SOS1: variants seen among roughly 807,000 people sequenced by gnomAD.
SOS1 encodes son of sevenless homolog 1.
Under a neutral mutation model 157.6 loss-of-function variants are expected in SOS1, and 25 were observed. The observed-to-expected ratio is 0.16, with a 90% CI of 0.12 to 0.22. The LOEUF (loss-of-function observed/expected upper bound fraction) is 0.22, where lower values mean the gene tolerates loss of function less well. SOS1 is among the 10% of genes least tolerant of loss of function. SOS1 has a pLI of 1.00. For missense variants in SOS1, 1,237 were observed against 1,599.1 expected (o/e 0.77, Z 3.86); for synonymous variants, 528 against 534.0 (o/e 0.99, Z 0.16).
At chr2:39,114,406 C>A (rs746472686) in intron 1 of SOS1, among the ~76,000 whole-genome samples, 22 of 151,934 alleles carry the variant, frequency 1.4e-4, no homozygotes, top group Admixed American at 3.9e-4. Flanking sequence ...TGGGTTCAAG[C>A]AATTCTCCTG....
chr2:39,018,634 C>A (rs978740357), intron 10 of SOS1, among the ~76,000 whole-genome samples: 2 of 151,638 alleles, frequency 1.3e-5, no homozygotes, highest in Non-Finnish European at 3.0e-5. Flanking sequence ...AATCCTTTTT[C>A]CTTATGTGCC....
chr2:39,012,851 ATTT>A (rs1669509330), intron 13 of SOS1, among the ~76,000 whole-genome samples: 1 of 152,172 alleles, frequency 6.6e-6, no homozygotes, highest in African/African-American at 2.4e-5. Context: ...AAGTACTATT[ATTT>A]AACTATTTTC....
At chr2:39,077,737 C>T (rs1490596260) in intron 1 of SOS1, among the ~76,000 whole-genome samples, 3 of 152,132 alleles carry the variant, frequency 2.0e-5, no homozygotes, top group Admixed American at 6.5e-5. Flanking sequence ...AAGGATGGAT[C>T]ATCCAATATA....
intron 1 of SOS1, among the ~76,000 whole-genome samples, chr2:39,115,117 C>A (rs945036049): frequency 1.3e-5 from 2 of 152,078 alleles, no homozygotes; most frequent in Non-Finnish European, 2.9e-5. Context: ...TTTTAAAATA[C>A]CTTCATTGAG....
intron 6 of SOS1, among the ~76,000 whole-genome samples, chr2:39,040,224 A>G (rs546518043): frequency 4.6e-5 from 7 of 151,728 alleles, no homozygotes; most frequent in African/African-American, 9.7e-5. Context: ...TCACCGTGTT[A>G]GCCAGGATGG....
chr2:39,074,811 G>A (rs1037988693), intron 1 of SOS1, among the ~76,000 whole-genome samples: 3 of 151,292 alleles, frequency 2.0e-5, no homozygotes, highest in African/African-American at 7.3e-5. Flanking sequence ...AGGTTGTGGT[G>A]AGCCAAGATC....
chr2:39,055,799 C>A (rs1380681866), intron 4 of SOS1, among the ~76,000 whole-genome samples: 1 of 152,156 alleles, frequency 6.6e-6, no homozygotes, highest in African/African-American at 2.4e-5. Context: ...GCTTTAGACT[C>A]AGAGAGACCT....
At chr2:39,031,659 G>A (rs1019890490) in intron 8 of SOS1, among the ~76,000 whole-genome samples, 5 of 152,124 alleles carry the variant, frequency 3.3e-5, no homozygotes, top group African/African-American at 4.8e-5. Flanking sequence ...GCAAGGCAGA[G>A]TTTGCAGTGA....
At chr2:39,113,457 A>G (rs1362372128) in intron 1 of SOS1, among the ~76,000 whole-genome samples, 2 of 151,858 alleles carry the variant, frequency 1.3e-5, no homozygotes, top group Non-Finnish European at 2.9e-5. Flanking sequence ...GTTGGCGTCA[A>G]TAGCATGAGC....
At chr2:39,003,163 T>TA (rs1241486045) in intron 17 of SOS1, among the ~76,000 whole-genome samples, 12 of 151,846 alleles carry the variant, frequency 7.9e-5, no homozygotes, top group African/African-American at 2.9e-4. Context: ...AGCAGATAAT[T>TA]AGAGACCTTA....
In SOS1 at chr2:38,983,347, A is replaced by G. The variant is rs1419440775; in HGVS notation, c.*2477T>C. The stretch of plus-strand genomic sequence containing the variant: ...TCTCACCTCCACCTAAGGGCATCCA[A>G]TTGGCATTTTTCTAATCAGTTACCA... On this transcript the variant is annotated 3_prime_UTR_variant, in exon 23 of 23. Transcript: ENST00000402219. 2.0e-5 allele frequency: 3 copies of G among 152,200 alleles called. No homozygotes were observed. Among genetic ancestry groups the G allele is most frequent in the African/African-American group, 4.8e-5 (2 of 41,454 alleles). 9.4% of individuals were successfully genotyped at this position (152,200 alleles called of 1,614,324 possible).
At chr2:38,987,854 T>G in intron 21 of SOS1, 1 of 389,820 alleles carries the variant, frequency 2.6e-6, no homozygotes, top group Non-Finnish European at 4.7e-6. Context: ...TTCCCATGGT[T>G]ACTCTATTAT....
intron 15 of SOS1, among the ~76,000 whole-genome samples, chr2:39,009,246 T>C (rs1165060380): frequency 1.3e-5 from 2 of 151,980 alleles, no homozygotes; most frequent in Non-Finnish European, 2.9e-5. Context: ...CTCAATAGTA[T>C]ATTTGAACTG....
rs1292640526 is a variant in SOS1 at position 39,120,485 on chromosome 2, AGAGGGC to A, written c.-69_-64del. 7.0e-7 allele frequency: 1 copy of A among 1,432,684 alleles called. No homozygotes were observed. Among genetic ancestry groups the A allele is most frequent in the African/African-American group, 1.5e-5 (1 of 67,208 alleles). 88.7% of individuals were successfully genotyped at this position (1,432,684 alleles called of 1,614,324 possible). ...GCGGCGGCCGGGCCAGGGAGCCGCG[AGAGGGC>A]GAGCTCGCAGCGCGGAACAGGGCCG... On this transcript the variant is annotated 5_prime_UTR_variant, in exon 1 of 23. Transcript: ENST00000402219.
At chr2:39,108,021 G>T (rs184963241) in intron 1 of SOS1, among the ~76,000 whole-genome samples, 19 of 152,140 alleles carry the variant, frequency 1.2e-4, no homozygotes, top group African/African-American at 3.6e-4. Flanking sequence ...AATACTGATG[G>T]TGCCTTAGTC....
At chr2:39,043,717 C>A (rs985195160) in intron 6 of SOS1, among the ~76,000 whole-genome samples, 1 of 152,214 alleles carries the variant, frequency 6.6e-6, no homozygotes, top group Admixed American at 6.5e-5. Context: ...GGAACTACAG[C>A]ATGTCAGCTC....
intron 1 of SOS1, among the ~76,000 whole-genome samples, chr2:39,069,650 C>G (rs1458964801): frequency 6.6e-6 from 1 of 151,938 alleles, no homozygotes; most frequent in African/African-American, 2.4e-5. Context: ...TGGGTTCAAG[C>G]AATTCTCCTG....
chr2:39,058,362 AAGG>A (rs1166301178), intron 3 of SOS1, among the ~76,000 whole-genome samples: 1 of 152,060 alleles, frequency 6.6e-6, no homozygotes, highest in Non-Finnish European at 1.5e-5. Context: ...ACCAACAAGA[AAGG>A]AGGAGTTTTA....
In SOS1 at chr2:39,023,090, C is replaced by G; in HGVS notation, c.1338G>C (p.Met446Ile). ...CTCCTACACGTGTAAGAGTTCCTTC[C>G]ATTATAAATTCATTACAACACTGTC... ...DIGQCCNEFI[M>I]EGTLTRVGAK... The change falls in exon 10 of 23, where the codon ATG (methionine) becomes ATC (isoleucine). Residue 446 changes from methionine (M) to isoleucine (I), a missense_variant. By Grantham distance (10) the Met-to-Ile change is conservative. Transcript: ENST00000402219. The G allele has an allele frequency of 6.2e-7, 1 of 1,613,640 alleles. No individual in the cohort carries two copies. The highest frequency in any genetic ancestry group is 2.2e-5 in the East Asian group (1 of 44,868).
Sources: gnomAD v4.1 joint callset for allele counts (sites outside exome capture counted in the v4.1 genomes callset) on GRCh38, gnomAD v4.1.1 for gene constraint, MANE v1.5 for transcripts, NCBI Gene and HGNC (gene_info 2026-07-23, HGNC 2026-07-21) for gene names.